UBE2G1: variants seen among roughly 807,000 people sequenced by gnomAD.
The protein encoded by UBE2G1 is ubiquitin-conjugating enzyme E2 G1.
A neutral mutation model predicts 22.7 loss-of-function variants in UBE2G1; 5 were observed. That is an observed-to-expected ratio of 0.22 (90% CI 0.12 to 0.46). The LOEUF (loss-of-function observed/expected upper bound fraction) is 0.46. Among genes scored for constraint, UBE2G1 ranks in the 20% least tolerant of loss-of-function variants. The pLI, the probability that UBE2G1 is intolerant of heterozygous loss-of-function variation, is 0.99. For missense variants in UBE2G1, 88 were observed against 203.9 expected (o/e 0.43, Z 3.46); for synonymous variants, 74 against 67.5 (o/e 1.10, Z -0.47).
Position 4,282,812 on chromosome 17 carries a change from A to T in UBE2G1, c.*23T>A, listed in dbSNP as rs749801194. The T allele has an allele frequency of 4.4e-6, 7 of 1,594,416 alleles. No homozygotes were observed. The Admixed American group carries it at 7.1e-5, about 16-fold the overall frequency. ...AATAAACTTACCCTGAAATAAGTGAAGTTACTAGCTGCTAAATAAATGTCA... is the reference window on the plus strand; with the variant it reads ...AATAAACTTACCCTGAAATAAGTGATGTTACTAGCTGCTAAATAAATGTCA... On this transcript the variant is annotated 3_prime_UTR_variant, in exon 5 of 6. Transcript: ENST00000396981.
rs367579298 is a variant in UBE2G1, at chr17:4,345,929, GATT to G, written c.46+20339_46+20341del. 8.9e-4 allele frequency: 136 copies of G among 152,212 alleles called. 1 individual carries two copies. The highest frequency in any genetic ancestry group is 3.1e-3 in the African/African-American group (128 of 41,518). 9.4% of individuals were successfully genotyped at this position (152,212 alleles called of 1,614,324 possible). ...TTCTATTCAAAATCATAAAATGGAT[GATT>G]ATATTTCATATAATTTGGATACCAA... On this transcript the variant is annotated intron_variant, in intron 1 of 5. Coordinates refer to ENST00000396981, the MANE Select transcript of UBE2G1 (RefSeq NM_003342.5).
chr17:4,361,427 T>C (rs1252703435), intron 1 of UBE2G1, among the ~76,000 whole-genome samples: 1 of 151,928 alleles, frequency 6.6e-6, no homozygotes, highest in Non-Finnish European at 1.5e-5. Context: ...CTACAGAGAC[T>C]GAGGCAAGAT....
intron 2 of UBE2G1, among the ~76,000 whole-genome samples, chr17:4,304,081 T>C (rs568556330): frequency 1.3e-5 from 2 of 152,308 alleles, no homozygotes; most frequent in South Asian, 2.1e-4. Flanking sequence ...TAGAGTGCAG[T>C]AGCGTAATCT....
chr17:4,357,934 T>G (rs910022301), intron 1 of UBE2G1, among the ~76,000 whole-genome samples: 3 of 151,990 alleles, frequency 2.0e-5, no homozygotes, highest in Admixed American at 6.6e-5. Flanking sequence ...ACCCCATCTC[T>G]ATTTTTATAA....
rs771448115 is a variant in UBE2G1, at chr17:4,282,819, A to G, written c.*16T>C. ...TTACCCTGAAATAAGTGAAGTTACTAGCTGCTAAATAAATGTCACTCAAAA... is the reference window on the plus strand; with the variant it reads ...TTACCCTGAAATAAGTGAAGTTACTGGCTGCTAAATAAATGTCACTCAAAA... On this transcript the variant is annotated 3_prime_UTR_variant, in exon 5 of 6. Coordinates refer to ENST00000396981, the MANE Select transcript of UBE2G1 (RefSeq NM_003342.5). 6 of 1,603,664 alleles carry G rather than the reference A, an allele frequency of 3.7e-6. No homozygotes were observed. The Admixed American group carries it at 1.0e-4, about 28-fold the overall frequency.
chr17:4,290,718 T>A lies in UBE2G1; in HGVS notation c.248-1310A>T, dbSNP rs183193541. Among the ~76,000 whole-genome samples, 67 of 149,426 alleles carry A rather than the reference T, an allele frequency of 4.5e-4. 1 individual carries two copies. In the East Asian group the frequency reaches 0.013, roughly 28 times the overall value. On this transcript the variant is annotated intron_variant, in intron 3 of 5. Transcript: ENST00000396981. ...CTGGTCTCAAACTCCTGGGCTCTAG[T>A]GATCCTCCCACCTCAGCCTCCCAAG...
intron 1 of UBE2G1, among the ~76,000 whole-genome samples, chr17:4,348,840 G>A (rs181861694): frequency 6.6e-6 from 1 of 150,468 alleles, no homozygotes; most frequent in African/African-American, 2.4e-5. Context: ...CAGCCTGGGA[G>A]ACACAACAAG....
chr17:4,348,499 G>A (rs545294034), intron 1 of UBE2G1, among the ~76,000 whole-genome samples: 9 of 147,906 alleles, frequency 6.1e-5, no homozygotes, highest in African/African-American at 2.3e-4. Context: ...CTTGCAGTGA[G>A]CCGAGATCCC....
At chr17:4,287,693 G>C (rs575847646) in intron 4 of UBE2G1, among the ~76,000 whole-genome samples, 1 of 152,036 alleles carries the variant, frequency 6.6e-6, no homozygotes, top group African/African-American at 2.4e-5. Context: ...TAAGAAAAAA[G>C]GTAAATTTTA....
intron 4 of UBE2G1, 118 bp downstream of exon 4, chr17:4,289,109 ACAC>A (rs1969004804): frequency 1.6e-5 from 3 of 192,210 alleles, no homozygotes; most frequent in Middle Eastern, 9.0e-4. Context: ...GAAGAGATAC[ACAC>A]ACACACACAC....
intron 1 of UBE2G1, among the ~76,000 whole-genome samples, chr17:4,337,688 G>A (rs1015870284): frequency 2.7e-5 from 4 of 150,762 alleles, no homozygotes; most frequent in Non-Finnish European, 5.9e-5. Flanking sequence ...ATAAAAAGAA[G>A]AGAAAAAAAT....
At chr17:4,359,423 A>T (rs772917507) in intron 1 of UBE2G1, among the ~76,000 whole-genome samples, 1 of 152,242 alleles carries the variant, frequency 6.6e-6, no homozygotes, top group Non-Finnish European at 1.5e-5. Context: ...GTAAAATAAA[A>T]TATTTCCGCT....
intron 1 of UBE2G1, among the ~76,000 whole-genome samples, chr17:4,308,603 T>C (rs1218425322): frequency 2.0e-5 from 3 of 152,184 alleles, no homozygotes; most frequent in South Asian, 2.1e-4. Context: ...ACAATCACAA[T>C]AGTGAATGCA....
chr17:4,274,296 C>T (rs1363177380), intron 5 of UBE2G1, among the ~76,000 whole-genome samples: 2 of 149,754 alleles, frequency 1.3e-5, no homozygotes, highest in Non-Finnish European at 3.0e-5. Context: ...CTCCCGGGTT[C>T]GCGCCATTCT....
At chr17:4,354,765 T>C (rs1428338399) in intron 1 of UBE2G1, among the ~76,000 whole-genome samples, 2 of 152,034 alleles carry the variant, frequency 1.3e-5, no homozygotes, top group Non-Finnish European at 2.9e-5. Context: ...ACCCTGTCTC[T>C]ACCAAAAAAA....
chr17:4,355,793 C>A (rs1949108278), intron 1 of UBE2G1, among the ~76,000 whole-genome samples: 1 of 144,066 alleles, frequency 6.9e-6, no homozygotes, highest in South Asian at 2.3e-4. Flanking sequence ...CTCCACCTCG[C>A]GGGTTCAAGC....
At chr17:4,284,029 T>C (rs2006757) in intron 4 of UBE2G1, among the ~76,000 whole-genome samples, 51,771 of 151,418 alleles carry the variant, frequency 0.34, 9,034 homozygotes, top group Middle Eastern at 0.4. Context: ...TGGTGGTGCA[T>C]GCCTGTAGTC....
chr17:4,366,489 C>T lies in UBE2G1; in HGVS notation c.-173G>A, dbSNP rs572162400. ...GCGGCGCCTCGCTGCCGGTGCGAGTCCGCTCGCTTCAGCTCTTTTCACAGC... is the reference window on the plus strand; with the variant it reads ...GCGGCGCCTCGCTGCCGGTGCGAGTTCGCTCGCTTCAGCTCTTTTCACAGC... On this transcript the variant is annotated 5_prime_UTR_variant, in exon 1 of 6. Coordinates refer to ENST00000396981, the MANE Select transcript of UBE2G1 (RefSeq NM_003342.5). The T allele has an allele frequency of 1.1e-5, 6 of 540,808 alleles. No homozygotes were observed. The highest frequency in any genetic ancestry group is 1.0e-4 in the African/African-American group (5 of 50,070). 33.5% of individuals were successfully genotyped at this position (540,808 alleles called of 1,614,324 possible). A position where few individuals can be genotyped will look rare whatever the true frequency, so the allele number is the denominator to read the frequency against.
chr17:4,302,891 T>C (rs1457030746), intron 2 of UBE2G1, among the ~76,000 whole-genome samples: 1 of 152,222 alleles, frequency 6.6e-6, no homozygotes, highest in Non-Finnish European at 1.5e-5. Context: ...GTATTGTGTG[T>C]TGCTGAAGAA....
Sources: allele counts gnomAD v4.1 joint callset (sites outside exome capture counted in the v4.1 genomes callset), GRCh38; gene constraint gnomAD v4.1.1; transcripts MANE v1.5; gene names NCBI Gene and HGNC (gene_info 2026-07-23, HGNC 2026-07-21).